ZBTB38: variants seen among roughly 807,000 people sequenced by gnomAD.
ZBTB38 encodes the protein zinc finger and BTB domain containing 38, also known as zinc finger and BTB domain-containing protein 38.
Under a neutral mutation model 76.8 loss-of-function variants are expected in ZBTB38, and 20 were observed. The observed-to-expected ratio is 0.26, with a 90% confidence interval of 0.18 to 0.38. The LOEUF is 0.38. Among genes scored for constraint, ZBTB38 ranks in the 10% least tolerant of loss-of-function variants. ZBTB38 has a pLI of 1.00. For missense variants in ZBTB38, 1,082 were observed against 1,482.3 expected, an observed-to-expected ratio of 0.73 and a Z score of 4.43; for synonymous variants, 504 against 544.2, an observed-to-expected ratio of 0.93 and a Z score of 1.03.
intron 1 of ZBTB38, among the ~76,000 whole-genome samples, chr3:141,325,047 A>G (rs562878676): frequency 2.6e-5 from 4 of 152,368 alleles, no homozygotes; most frequent in African/African-American, 9.6e-5. Flanking sequence ...AAAGCAAACT[A>G]AAACAGTGAA....
At chr3:141,396,410 A>G (rs1003888352) in intron 4 of ZBTB38, 2 of 163,854 alleles carry the variant, frequency 1.2e-5, no homozygotes, top group African/African-American at 4.8e-5. Context: ...TTCTTATGCT[A>G]TTTCCACCAC....
intron 5 of ZBTB38, among the ~76,000 whole-genome samples, chr3:141,414,956 G>T (rs887716208): frequency 3.3e-5 from 5 of 151,874 alleles, no homozygotes; most frequent in African/African-American, 1.2e-4. Flanking sequence ...TTTTAACCCT[G>T]CCCTTTCTTT....
At chr3:141,418,460 T>C (rs184266775) in intron 5 of ZBTB38, among the ~76,000 whole-genome samples, 2 of 152,314 alleles carry the variant, frequency 1.3e-5, no homozygotes, top group Admixed American at 1.3e-4. Flanking sequence ...TAAGGCTGCT[T>C]CCTCCAGAGC....
intron 5 of ZBTB38, among the ~76,000 whole-genome samples, chr3:141,426,775 G>C (rs1013626787): frequency 1.1e-4 from 16 of 152,188 alleles, no homozygotes; most frequent in Admixed American, 1.0e-3. Flanking sequence ...TTTGAACAAA[G>C]CATGTCGGTA....
At chr3:141,390,401 G>A (rs1948476848) in intron 4 of ZBTB38, among the ~76,000 whole-genome samples, 1 of 152,086 alleles carries the variant, frequency 6.6e-6, no homozygotes, top group South Asian at 2.1e-4. Context: ...CAAATATGTG[G>A]TTTTCTGTTG....
chr3:141,380,550 A>G (rs1946059186), intron 2 of ZBTB38, among the ~76,000 whole-genome samples: 1 of 152,216 alleles, frequency 6.6e-6, no homozygotes, highest in Non-Finnish European at 1.5e-5. Flanking sequence ...TGGTAGAGAA[A>G]GGACTCCGGA....
chr3:141,383,804 T>A (rs1022739356), intron 3 of ZBTB38: 1 of 152,204 alleles, frequency 6.6e-6, no homozygotes, highest in Non-Finnish European at 1.5e-5. Context: ...GTTCCTCGTG[T>A]TTGACTCGTC....
At chr3:141,438,919 A>ACTCC (rs1284029935) in intron 5 of ZBTB38, among the ~76,000 whole-genome samples, 1 of 144,614 alleles carries the variant, frequency 6.9e-6, no homozygotes, top group Non-Finnish European at 1.5e-5. Context: ...TACCACTCAG[A>ACTCC]CTCCCTCATT....
intron 1 of ZBTB38, among the ~76,000 whole-genome samples, chr3:141,336,022 C>G (rs998915962): frequency 1.3e-5 from 2 of 152,154 alleles, no homozygotes; most frequent in African/African-American, 4.8e-5. Context: ...ACCTTTCTCT[C>G]TCTTACTACT....
intron 2 of ZBTB38, among the ~76,000 whole-genome samples, chr3:141,372,946 T>C (rs1255331414): frequency 6.6e-6 from 1 of 152,184 alleles, no homozygotes; most frequent in Non-Finnish European, 1.5e-5. Flanking sequence ...GACATATGAA[T>C]GGTGTTAGGG....
intron 5 of ZBTB38, among the ~76,000 whole-genome samples, chr3:141,440,227 A>T (rs2079807859): frequency 6.6e-6 from 1 of 152,244 alleles, no homozygotes; most frequent in Non-Finnish European, 1.5e-5. Flanking sequence ...GATAAAAGTT[A>T]GTTCTGAGCT....
chr3:141,443,814 C>T lies in ZBTB38; in HGVS notation c.1426C>T (p.Arg476Ter). The change falls in exon 6 of 6, where the codon CGA becomes TGA. Residue 476 changes from arginine to a stop codon, truncating the protein, a stop_gained. Coordinates refer to ENST00000321464, the MANE Select transcript of ZBTB38 (RefSeq NM_001376113.1). LOFTEE classifies it high-confidence loss of function. The surrounding 1 kb of genome is among the most constrained non-coding windows in gnomAD (Gnocchi z 5.6). ...TAGTTATGTGACCTTATCTAGCCTC[C>T]GAAGACATGCAAATGTTCACTCCTG... ...KRSYVTLSSL[R>*]RHANVHSWRR... 1 of 1,613,868 alleles carries T rather than the reference C, an allele frequency of 6.2e-7. No individual in the cohort carries two copies. The highest frequency in any genetic ancestry group is 8.5e-7 in the Non-Finnish European group (1 of 1,180,028).
rs2081308772 is a variant in ZBTB38, at chr3:141,449,068, A to G, written c.*3092A>G. Reference sequence around the variant, plus strand: ...TTTACATAGGCTATTTCATTAACACACACGCACCAGAATTCGACCTCATTA... The same window carrying G: ...TTTACATAGGCTATTTCATTAACACGCACGCACCAGAATTCGACCTCATTA... On this transcript the variant is annotated 3_prime_UTR_variant, in exon 6 of 6. Transcript: ENST00000321464. 6.6e-6 allele frequency: 1 copy of G among 152,208 alleles called. No homozygotes were observed. Among genetic ancestry groups the G allele is most frequent in the Non-Finnish European group, 1.5e-5 (1 of 68,052 alleles). The allele number at this position is 152,208 out of a possible 1,614,324, so 9.4% of individuals were successfully genotyped here. A position where few individuals can be genotyped will look rare whatever the true frequency, so the allele number is the denominator to read the frequency against.
Position 141,448,142 on chromosome 3 carries a change from G to A in ZBTB38, c.*2166G>A, listed in dbSNP as rs2081233291. The stretch of plus-strand genomic sequence containing the variant: ...CTGTATATTCTAGTCATTTTGATTT[G>A]AGTTAACCCCAAATATAAAATTACC... On this transcript the variant is annotated 3_prime_UTR_variant, in exon 6 of 6. Coordinates refer to ENST00000321464, the MANE Select transcript of ZBTB38 (RefSeq NM_001376113.1). 1 of 152,486 alleles carries A rather than the reference G, an allele frequency of 6.6e-6. No individual in the cohort carries two copies. The highest frequency in any genetic ancestry group is 6.5e-5 in the Admixed American group (1 of 15,268). 9.4% of individuals were successfully genotyped at this position (152,486 alleles called of 1,614,324 possible).
At chr3:141,335,676 T>C (rs1023746833) in intron 1 of ZBTB38, among the ~76,000 whole-genome samples, 2 of 152,224 alleles carry the variant, frequency 1.3e-5, no homozygotes, top group Non-Finnish European at 2.9e-5. Flanking sequence ...AGGGCCCAGC[T>C]AGCCTCAGAT....
At chr3:141,354,863 G>A (rs772122702) in intron 1 of ZBTB38, among the ~76,000 whole-genome samples, 2 of 152,044 alleles carry the variant, frequency 1.3e-5, no homozygotes, top group African/African-American at 4.8e-5. Flanking sequence ...GATGGGCACT[G>A]GGAGAATGAT....
intron 1 of ZBTB38, among the ~76,000 whole-genome samples, chr3:141,362,002 C>T (rs763301587): frequency 1.5e-4 from 23 of 152,076 alleles, no homozygotes; most frequent in African/African-American, 5.6e-4. Flanking sequence ...AAAATCGAAA[C>T]GAAAGTGTTA....
At position 141,443,465 on chromosome 3, in the gene ZBTB38, C is replaced by A. The variant is rs2080655890; in HGVS notation, c.1077C>A (p.Ala359=). 3 of 1,614,198 alleles carry A rather than the reference C, an allele frequency of 1.9e-6. No individual in the cohort carries two copies. Among genetic ancestry groups the A allele is most frequent in the Non-Finnish European group, 2.5e-6 (3 of 1,180,036 alleles). Residue 359 remains alanine (A), a synonymous_variant, in exon 6 of 6, where the codon GCC becomes GCA. Coordinates refer to ENST00000321464, the MANE Select transcript of ZBTB38 (RefSeq NM_001376113.1). This position sits in a 1 kb window ranked among gnomAD's most constrained non-coding sequence, Gnocchi z 5.6. ...KAFDSSTLLS[A]HMQLHKPTQE... ...TTGACAGCAGCACTCTGCTCAGTGC[C>A]CACATGCAGCTTCACAAGCCAACCC...
At chr3:141,339,226 A>T (rs1450735449) in intron 1 of ZBTB38, among the ~76,000 whole-genome samples, 1 of 152,240 alleles carries the variant, frequency 6.6e-6, no homozygotes, top group East Asian at 1.9e-4. Flanking sequence ...ACCAAGGCAG[A>T]GAGAGATAGG....
Sources: allele counts gnomAD v4.1 joint callset (sites outside exome capture counted in the v4.1 genomes callset), GRCh38; gene constraint gnomAD v4.1.1; non-coding constraint Gnocchi (gnomAD v3.1); transcripts MANE v1.5; gene names NCBI Gene and HGNC (gene_info 2026-07-23, HGNC 2026-07-21).